Variants in DCHS2 observed in about 807,000 individuals in gnomAD.
The protein encoded by DCHS2 is protocadherin-23.
In DCHS2, 142 loss-of-function variants were observed where a neutral mutation model predicts 182.4. That is an observed-to-expected ratio of 0.78 (90% CI 0.68 to 0.89). The LOEUF (loss-of-function observed/expected upper bound fraction) is 0.89. DCHS2 is among the 40% of genes least tolerant of loss of function. The probability of loss-of-function intolerance (pLI) is 0.00; values close to 1 mark genes in which losing one functional copy is unlikely to be tolerated. For synonymous variants in DCHS2, 1,740 were observed against 1,663.3 expected, an observed-to-expected ratio of 1.05 and a Z score of -1.12; for missense variants, 4,319 against 4,198.6, an observed-to-expected ratio of 1.03 and a Z score of -0.79.
At chr4:154,393,429 C>T (rs1731794140) in intron 1 of DCHS2, among the ~76,000 whole-genome samples, 2 of 152,086 alleles carry the variant, frequency 1.3e-5, no homozygotes, top group Admixed American at 6.5e-5. Flanking sequence ...AAGACAAAGA[C>T]AGTATGGAGA....
intron 17 of DCHS2, 96 bp from the exon 18 acceptor site, chr4:154,240,919 C>A: frequency 3.4e-6 from 5 of 1,479,160 alleles, no homozygotes; most frequent in Non-Finnish European, 4.5e-6. Flanking sequence ...ATTCTAAGTC[C>A]AATATGATTT....
intron 15 of DCHS2, among the ~76,000 whole-genome samples, chr4:154,258,367 C>CTTTTTTTTTTTTTTTTTTTTTTT (rs771510956): frequency 1.7e-5 from 1 of 58,838 alleles, no homozygotes; most frequent in Non-Finnish European, 2.9e-5. Context: ...AAAAGAAAGG[C>CTTTTTTTTTTTTTTTTTTTTTTT]TTTTTTTTTT....
chr4:154,365,873 C>T (rs7673550), intron 3 of DCHS2, among the ~76,000 whole-genome samples: 1,669 of 151,488 alleles, frequency 0.011, 30 homozygotes, highest in African/African-American at 0.038. Flanking sequence ...TAGTCTTGAA[C>T]TCCTGACCTC....
At chr4:154,470,678 G>A (rs947573886) in intron 1 of DCHS2, among the ~76,000 whole-genome samples, 2 of 152,036 alleles carry the variant, frequency 1.3e-5, no homozygotes, top group African/African-American at 4.8e-5. Flanking sequence ...TGTATCTCAA[G>A]AAAATTATTA....
At position 154,329,716 on chromosome 4, in the gene DCHS2, G is replaced by A. The variant is rs1247205756; in HGVS notation, c.3731-6C>T. The A allele has an allele frequency of 6.2e-7, 1 of 1,611,310 alleles. No homozygotes were observed. Among genetic ancestry groups the A allele is most frequent in the Non-Finnish European group, 8.5e-7 (1 of 1,179,320 alleles). ...CACCCAATTGATTAACTCTCCTGCA[G>A]AGTACAGAGCAGAACAAGACACAGG... On this transcript the variant is annotated splice_polypyrimidine_tract_variant and splice_region_variant and intron_variant, in intron 5 of 19. Transcript: ENST00000357232.
chr4:154,407,076 G>A (rs920396238), intron 1 of DCHS2, among the ~76,000 whole-genome samples: 8 of 152,326 alleles, frequency 5.3e-5, no homozygotes, highest in Admixed American at 1.3e-4. Flanking sequence ...TGTCTGCAAT[G>A]AGTCAAAGAA....
intron 7 of DCHS2, among the ~76,000 whole-genome samples, chr4:154,327,086 C>T (rs1381468020): frequency 6.6e-6 from 1 of 152,016 alleles, no homozygotes; most frequent in Non-Finnish European, 1.5e-5. Context: ...AAGTCTTATA[C>T]AAGTTATATT....
intron 10 of DCHS2, among the ~76,000 whole-genome samples, chr4:154,306,841 G>C (rs1735458387): frequency 1.3e-5 from 2 of 151,904 alleles, no homozygotes. Flanking sequence ...GTCTTCAATT[G>C]TTTACACATA....
At position 154,231,940 on chromosome 4, in the gene DCHS2, T is replaced by A. The variant is rs899648400; in HGVS notation, c.*2596A>T. On this transcript the variant is annotated 3_prime_UTR_variant, in exon 20 of 20. Transcript: ENST00000357232. ...TGGAAGCCAATTCAATGATTACTACTAGGACATGGAATTTTGATATCCATT... is the reference window on the plus strand; with the variant it reads ...TGGAAGCCAATTCAATGATTACTACAAGGACATGGAATTTTGATATCCATT... 6.6e-6 allele frequency: 1 copy of A among 152,152 alleles called. No homozygotes were observed. Among genetic ancestry groups the A allele is most frequent in the South Asian group, 2.1e-4 (1 of 4,826 alleles). The allele number at this position is 152,152 out of a possible 1,614,324, so 9.4% of individuals were successfully genotyped here.
At position 154,490,401 on chromosome 4, in the gene DCHS2, G is replaced by C; in HGVS notation, c.955C>G (p.Arg319Gly). ...AQPGAEVCRV[R>G]ATDRDLGPNG... Reference sequence around the variant, plus strand: ...GGCCCCAGGTCGCGGTCGGTGGCGCGCACGCGACAGACCTCGGCGCCCGGC... The same window carrying C: ...GGCCCCAGGTCGCGGTCGGTGGCGCCCACGCGACAGACCTCGGCGCCCGGC... Residue 319 changes from arginine (R) to glycine (G), a missense_variant, in exon 1 of 20, where the codon CGC (arginine) becomes GGC (glycine). Physicochemically the swap from Arg to Gly is moderately radical, Grantham distance 125 (BLOSUM62 -2). Coordinates refer to ENST00000357232, the MANE Select transcript of DCHS2 (RefSeq NM_001358235.2). The C allele has an allele frequency of 1.3e-6, 2 of 1,532,914 alleles. No homozygotes were observed. The highest frequency in any genetic ancestry group is 1.7e-6 in the Non-Finnish European group (2 of 1,144,422). 95.0% of individuals were successfully genotyped at this position (1,532,914 alleles called of 1,614,324 possible).
At chr4:154,241,642 C>T (rs1731831559) in intron 17 of DCHS2, among the ~76,000 whole-genome samples, 1 of 152,110 alleles carries the variant, frequency 6.6e-6, no homozygotes, top group African/African-American at 2.4e-5. Context: ...TCTCAATGTG[C>T]ACCAACCACA....
At chr4:154,257,350 A>C (rs1732741385) in intron 15 of DCHS2, among the ~76,000 whole-genome samples, 1 of 152,230 alleles carries the variant, frequency 6.6e-6, no homozygotes, top group Non-Finnish European at 1.5e-5. Context: ...GGAGAGATGT[A>C]TCAGAAAGAC....
intron 1 of DCHS2, among the ~76,000 whole-genome samples, chr4:154,419,096 T>C (rs1732991230): frequency 6.6e-6 from 1 of 151,996 alleles, no homozygotes; most frequent in African/African-American, 2.4e-5. Context: ...GGTGACTCAA[T>C]TTAATAGGCA....
At chr4:154,289,989 GA>G (rs111644504) in intron 13 of DCHS2, among the ~76,000 whole-genome samples, 1 of 151,694 alleles carries the variant, frequency 6.6e-6, no homozygotes, top group Non-Finnish European at 1.5e-5. Flanking sequence ...AATTGGAAAG[GA>G]AAAAGTCAAA....
chr4:154,246,202 T>C (rs1197987043), intron 16 of DCHS2, among the ~76,000 whole-genome samples: 1 of 152,190 alleles, frequency 6.6e-6, no homozygotes, highest in East Asian at 1.9e-4. Context: ...TTCAGATTAT[T>C]TAAATAGAAA....
At chr4:154,487,077 C>CAA (rs932939978) in intron 1 of DCHS2, among the ~76,000 whole-genome samples, 1 of 152,066 alleles carries the variant, frequency 6.6e-6, no homozygotes, top group Non-Finnish European at 1.5e-5. Flanking sequence ...AGGCTTTCAT[C>CAA]AAAAAAATCA....
chr4:154,479,218 T>G (rs1735815858), intron 1 of DCHS2, among the ~76,000 whole-genome samples: 1 of 152,092 alleles, frequency 6.6e-6, no homozygotes, highest in South Asian at 2.1e-4. Context: ...AGGATGGTGA[T>G]GAAGAACATG....
intron 13 of DCHS2, among the ~76,000 whole-genome samples, chr4:154,281,468 TAATC>T (rs1355199429): frequency 9.2e-5 from 14 of 152,240 alleles, no homozygotes; most frequent in Non-Finnish European, 1.5e-4. Context: ...AGAATAAACT[TAATC>T]AATGAGGTAA....
chr4:154,462,085 A>C (rs1256815194), intron 1 of DCHS2, among the ~76,000 whole-genome samples: 2 of 152,160 alleles, frequency 1.3e-5, no homozygotes, highest in Non-Finnish European at 2.9e-5. Flanking sequence ...CAACAAGATG[A>C]GATGCCTTCC....
Sources: gnomAD v4.1 joint callset for allele counts (sites outside exome capture counted in the v4.1 genomes callset) on GRCh38, gnomAD v4.1.1 for gene constraint, MANE v1.5 for transcripts, NCBI Gene and HGNC (gene_info 2026-07-23, HGNC 2026-07-21) for gene names.